The following TYK2 variants were observed in gnomAD, a reference collection of about 807,000 sequenced individuals.
The protein encoded by TYK2 is non-receptor tyrosine-protein kinase TYK2.
TYK2 carries 65 observed loss-of-function variants against 130.9 expected under a neutral mutation model. That is an observed-to-expected ratio of 0.50 (90% CI 0.41 to 0.61). The LOEUF is 0.61. Among genes scored for constraint, TYK2 ranks in the 20% least tolerant of loss-of-function variants. The probability of loss-of-function intolerance (pLI) is 0.00; values close to 1 mark genes in which losing one functional copy is unlikely to be tolerated. For missense variants in TYK2, 1,378 were observed against 1,610.7 expected (o/e 0.86, Z 2.47); for synonymous variants, 647 against 658.9 (o/e 0.98, Z 0.28).
At chr19:10,363,117 C>T (rs148873830) in intron 9 of TYK2, among the ~76,000 whole-genome samples, 475 of 151,872 alleles carry the variant, frequency 3.1e-3, no homozygotes, top group African/African-American at 0.011. Context: ...CTCAGCTGAT[C>T]TGCCAGCCTC....
In TYK2 at chr19:10,357,772, G is replaced by C; in HGVS notation, c.2458C>G (p.Pro820Ala). The C allele has an allele frequency of 1.2e-6, 2 of 1,610,200 alleles. No individual in the cohort carries two copies. The change falls in exon 17 of 25, where the codon CCC (proline) becomes GCC (alanine). Residue 820 changes from proline to alanine, a missense_variant. By Grantham distance (27) the Pro-to-Ala change is conservative. Transcript: ENST00000525621. ...GGGTCTCCTAGACATACCTCGGAGG[G>C]ACTGCGGCTCTGCAGAGGGGCCTCT... ...DGEAPLQSRSPSEKEHFYQRQ... is the reference protein window; with the variant it reads ...DGEAPLQSRSASEKEHFYQRQ...
rs34536443 is a variant in TYK2 at position 10,352,442 on chromosome 19, G to C, written c.3310C>G (p.Pro1104Ala). ...GCGGGCCTGGCTCTCACCGTGGGGG[G>C]GCTCTGGCTGGAGTCACAGTGCGTC... ...LLTHCDSSQS[P>A]PTKFLELIGI... The change falls in exon 23 of 25, where the codon CCC becomes GCC. Residue 1104 changes from proline (P) to alanine (A), a missense_variant. Transcript: ENST00000525621. The C allele has an allele frequency of 0.037, 59,598 of 1,607,098 alleles. 1,233 individuals carry two copies. The highest frequency in any genetic ancestry group is 0.045 in the Non-Finnish European group (52,288 of 1,174,994).
chr19:10,373,603 T>A (rs1445739823), intron 3 of TYK2, among the ~76,000 whole-genome samples: 1 of 152,162 alleles, frequency 6.6e-6, no homozygotes, highest in African/African-American at 2.4e-5. Context: ...AGTGCTGGGA[T>A]TACAGGCGTG....
intron 18 of TYK2, among the ~76,000 whole-genome samples, chr19:10,356,316 T>C (rs1220347952): frequency 6.6e-6 from 1 of 151,838 alleles, no homozygotes; most frequent in East Asian, 1.9e-4. Context: ...GAGGTGGAGG[T>C]TGCAGTGAGC....
chr19:10,360,222 C>T (rs73512824), intron 14 of TYK2, among the ~76,000 whole-genome samples: 2 of 151,532 alleles, frequency 1.3e-5, no homozygotes, highest in African/African-American at 4.8e-5. Flanking sequence ...TGGCAGGGTA[C>T]AGTGGCTCAT....
intron 5 of TYK2, among the ~76,000 whole-genome samples, chr19:10,367,589 C>A (rs962294548): frequency 6.6e-6 from 1 of 151,922 alleles, no homozygotes; most frequent in East Asian, 1.9e-4. Context: ...CACGCCACTG[C>A]ACTCCAGCCT....
chr19:10,357,216 C>T (rs1599334733), intron 17 of TYK2: 1 of 463,252 alleles, frequency 2.2e-6, no homozygotes, highest in Non-Finnish European at 3.9e-6. Context: ...TAATGAAACC[C>T]CATCTCTACA....
rs79337061 is a variant in TYK2, at chr19:10,366,396, C to T, written c.629+21G>A. The T allele has an allele frequency of 0.07, 113,426 of 1,610,290 alleles. 4,377 individuals carry two copies. Among genetic ancestry groups the T allele is most frequent in the South Asian group, 0.082 (7,427 of 90,922 alleles). ...ACATTTCCCCCTGCCTACACAGCGT[C>T]CCCACCCCATTCCCAGACACCTGGT... is the stretch of plus-strand genomic sequence containing the variant. On this transcript the variant is annotated intron_variant, in intron 6 of 24. Coordinates refer to ENST00000525621, the MANE Select transcript of TYK2 (RefSeq NM_003331.5).
rs756965030 is a variant in TYK2 at position 10,350,930 on chromosome 19, C to T, written c.3468G>A (p.Ala1156=). The change falls in exon 25 of 25, where the codon GCG becomes GCA. Residue 1156 remains alanine (A), a synonymous_variant. Coordinates refer to ENST00000525621, the MANE Select transcript of TYK2 (RefSeq NM_003331.5). The part of the protein sequence containing the change: ...HLMKNCWETE[A]SFRPTFENLI... ...GGTTCTCGAAGGTTGGGCGAAAGGA[C>T]GCCTCTGTCTCCCAGCAGTTCTTCA... is the stretch of plus-strand genomic sequence containing the variant. 3.1e-5 allele frequency: 50 copies of T among 1,614,042 alleles called. 1 individual carries two copies. The highest frequency in any genetic ancestry group is 2.2e-5 in the East Asian group (1 of 44,900).
At position 10,364,870 on chromosome 19, in the gene TYK2, C is replaced by T. The variant is rs759765277; in HGVS notation, c.1190G>A (p.Arg397Gln). Residue 397 changes from arginine to glutamine, a missense_variant, in exon 8 of 25, where the codon CGG becomes CAG. Arg to Gln is a conservative substitution (Grantham distance 43). Coordinates refer to ENST00000525621, the MANE Select transcript of TYK2 (RefSeq NM_003331.5). The surrounding 1 kb of genome is among the most constrained non-coding windows in gnomAD (Gnocchi z 4.9). ...VLKEHCVSIHRQDNKCLELSL... is the reference protein window; with the variant it reads ...VLKEHCVSIHQQDNKCLELSL... ...CCTCACCAGGCACTTGTTGTCCTGCCGGTGGATGCTGACACAGTGCTCTTT... is the reference window on the plus strand; with the variant it reads ...CCTCACCAGGCACTTGTTGTCCTGCTGGTGGATGCTGACACAGTGCTCTTT... 33 of 1,614,042 alleles carry T rather than the reference C, an allele frequency of 2.0e-5. No individual in the cohort carries two copies. The highest frequency in any genetic ancestry group is 2.7e-5 in the African/African-American group (2 of 74,958).
intron 3 of TYK2, among the ~76,000 whole-genome samples, chr19:10,374,744 G>A (rs1046532329): frequency 9.2e-5 from 14 of 151,536 alleles, no homozygotes; most frequent in African/African-American, 1.7e-4. Flanking sequence ...TTAGCTGGGC[G>A]TGGTGGCAGG....
At position 10,354,544 on chromosome 19, in the gene TYK2, G is replaced by A. The variant is rs1568328042; in HGVS notation, c.2683C>T (p.Arg895Cys). 1 of 1,613,994 alleles carries A rather than the reference G, an allele frequency of 6.2e-7. No individual in the cohort carries two copies. The highest frequency in any genetic ancestry group is 8.5e-7 in the Non-Finnish European group (1 of 1,180,018). ...PASDPTVFHKRYLKKIRDLGE... is the reference protein window; with the variant it reads ...PASDPTVFHKCYLKKIRDLGE... ...AGATCTCGGATCTTTTTCAAATAGC[G>A]CTTGTGGAAAACCGTAGGGTCCGAC... Residue 895 changes from arginine (R) to cysteine (C), a missense_variant, in exon 19 of 25, where the codon CGC (arginine) becomes TGC (cysteine). Transcript: ENST00000525621.
rs1280394351 is a variant in TYK2 at position 10,380,526 on chromosome 19, A to T, written c.-332T>A. The stretch of plus-strand genomic sequence containing the variant: ...CAGACTCACCCTTCCGGGGGAACAC[A>T]AGCTCGAACCCGGACCCCTCCCCGC... On this transcript the variant is annotated 5_prime_UTR_variant, in exon 1 of 25. Transcript: ENST00000525621. 6.6e-6 allele frequency: 1 copy of T among 152,318 alleles called. No individual in the cohort carries two copies. Among genetic ancestry groups the T allele is most frequent in the East Asian group, 1.9e-4 (1 of 5,326 alleles). 9.4% of individuals were successfully genotyped at this position (152,318 alleles called of 1,614,324 possible).
chr19:10,361,613 C>T lies in TYK2; in HGVS notation c.1960-15G>A, dbSNP rs12720277. The T allele has an allele frequency of 4.5e-4, 696 of 1,549,536 alleles. 4 individuals carry two copies. The African/African-American group carries it at 8.8e-3, about 20-fold the overall frequency. ...TCGTAGAAGGCCTGTGGGGACCGGG[C>T]AGGTCAGGTGGCTGCAAAGCCGACC... On this transcript the variant is annotated splice_polypyrimidine_tract_variant and intron_variant, in intron 13 of 24. Coordinates refer to ENST00000525621, the MANE Select transcript of TYK2 (RefSeq NM_003331.5). The surrounding 1 kb of genome is among the most constrained non-coding windows in gnomAD (Gnocchi z 4.0).
At chr19:10,362,010 C>A in intron 12 of TYK2, 55 bp from the exon 13 acceptor site, 2 of 1,613,310 alleles carry the variant, frequency 1.2e-6, no homozygotes, top group Non-Finnish European at 1.7e-6. Context: ...CAGCTGATCT[C>A]CCAGGGCCCC....
intron 23 of TYK2, 59 bp downstream of exon 23, chr19:10,352,375 C>G (rs569106537): frequency 3.4e-6 from 4 of 1,188,538 alleles, no homozygotes; most frequent in Non-Finnish European, 5.0e-6. Flanking sequence ...CCTGGCCCAG[C>G]CTATGCCTTT....
At position 10,372,480 on chromosome 19, in the gene TYK2, A is replaced by ATTTT. The variant is rs1368114611; in HGVS notation, c.194-4063_194-4062insAAAA. Among the ~76,000 whole-genome samples the ATTTT allele has an allele frequency of 4.1e-3, 265 of 63,924 alleles. 5 individuals carry two copies. The highest frequency in any genetic ancestry group is 5.2e-3 in the Non-Finnish European group (193 of 37,202). 41.9% of individuals were successfully genotyped at this position (63,924 alleles called of 152,430 possible). ...CAGCTATATATATATATATATATAT[A>ATTTT]TATATTTTTTTTTTTTTTTTTTTTT... On this transcript the variant is annotated intron_variant, in intron 3 of 24. Coordinates refer to ENST00000525621, the MANE Select transcript of TYK2 (RefSeq NM_003331.5).
At position 10,358,703 on chromosome 19, in the gene TYK2, G is replaced by A. The variant is rs1322124547; in HGVS notation, c.2175+472C>T. Among the ~76,000 whole-genome samples the A allele has an allele frequency of 4.0e-5, 6 of 151,176 alleles. No homozygotes were observed. In the South Asian group the frequency reaches 1.1e-3, roughly 27 times the overall value. ...ACTCCTGACCTCAGGTGATCCACCCGCCTTGGCCTCCCAAACTGCTGGGAT... is the reference window on the plus strand; with the variant it reads ...ACTCCTGACCTCAGGTGATCCACCCACCTTGGCCTCCCAAACTGCTGGGAT... On this transcript the variant is annotated intron_variant, in intron 15 of 24. Coordinates refer to ENST00000525621, the MANE Select transcript of TYK2 (RefSeq NM_003331.5).
chr19:10,376,427 C>G (rs1176922690), intron 3 of TYK2, among the ~76,000 whole-genome samples: 10 of 131,658 alleles, frequency 7.6e-5, no homozygotes, highest in Non-Finnish European at 1.2e-4. Flanking sequence ...CCTGCCTCAG[C>G]CTTCTGAGTA....
Sources: allele counts gnomAD v4.1 joint callset (sites outside exome capture counted in the v4.1 genomes callset), GRCh38; gene constraint gnomAD v4.1.1; non-coding constraint Gnocchi (gnomAD v3.1); transcripts MANE v1.5; gene names NCBI Gene and HGNC (gene_info 2026-07-23, HGNC 2026-07-21).